The following TDRD5 variants were observed in gnomAD, a reference collection of about 807,000 sequenced individuals.
TDRD5 encodes the protein tudor domain-containing protein 5.
In TDRD5, 41 loss-of-function variants were observed where a neutral mutation model predicts 120.6. That is an observed-to-expected ratio of 0.34 (90% CI 0.26 to 0.44). TDRD5 has a LOEUF of 0.44. Ranked by LOEUF, TDRD5 falls within the 20% of genes least tolerant of loss-of-function variation. TDRD5 has a pLI of 1.00. For synonymous variants in TDRD5, 430 were observed against 433.7 expected (o/e 0.99, Z 0.11); for missense variants, 1,006 against 1,221.2 (o/e 0.82, Z 2.63).
intron 6 of TDRD5, among the ~76,000 whole-genome samples, chr1:179,625,785 G>C (rs1677089165): frequency 6.6e-6 from 1 of 152,138 alleles, no homozygotes; most frequent in Admixed American, 6.5e-5. Flanking sequence ...AGAGATTGTG[G>C]TACGTTTGTA....
intron 4 of TDRD5, among the ~76,000 whole-genome samples, chr1:179,603,581 A>T (rs1675826862): frequency 6.6e-6 from 1 of 152,344 alleles, no homozygotes; most frequent in Non-Finnish European, 1.5e-5. Flanking sequence ...AGTTTTAATC[A>T]TAAAGCAATG....
chr1:179,612,935 C>CAAAAAAA (rs35980053), intron 4 of TDRD5, among the ~76,000 whole-genome samples: 1 of 88,468 alleles, frequency 1.1e-5, no homozygotes, highest in Non-Finnish European at 2.3e-5. Context: ...GACTTTGTCT[C>CAAAAAAA]AAAAAAAAAA....
chr1:179,593,826 A>G lies in TDRD5; in HGVS notation c.599A>G (p.Lys200Arg), dbSNP rs1351256025. 1 of 1,614,042 alleles carries G rather than the reference A, an allele frequency of 6.2e-7. No individual in the cohort carries two copies. The highest frequency in any genetic ancestry group is 1.7e-5 in the Admixed American group (1 of 59,988). Residue 200 changes from lysine to arginine, a missense_variant, in exon 3 of 18, where the codon AAG becomes AGG. By Grantham distance (26) the Lys-to-Arg change is conservative (BLOSUM62 2). Coordinates refer to ENST00000444136, the MANE Select transcript of TDRD5 (RefSeq NM_001199085.3). ...AGAGCAGGTTCTTTGTTGATGCTAAAGAAGAGTGTAACAGAGGAAAAGCCG... is the reference window on the plus strand; with the variant it reads ...AGAGCAGGTTCTTTGTTGATGCTAAGGAAGAGTGTAACAGAGGAAAAGCCG... Reference protein sequence around the residue: ...QTRAGSLLMLKKSVTEEKPRG... With the variant: ...QTRAGSLLMLRKSVTEEKPRG...
Position 179,659,574 on chromosome 1 carries a change from TGTGTGTGTGTGTGTGTGC to T in TDRD5, c.2323-2528_2323-2511del, listed in dbSNP as rs1223282415. 1.3e-4 allele frequency among the ~76,000 whole-genome samples: 18 copies of T among 142,434 alleles called. 1 individual carries two copies. The highest frequency in any genetic ancestry group is 2.0e-4 in the African/African-American group (8 of 39,624). 93.4% of individuals were successfully genotyped at this position (142,434 alleles called of 152,430 possible). On this transcript the variant is annotated intron_variant, in intron 14 of 17. Coordinates refer to ENST00000444136, the MANE Select transcript of TDRD5 (RefSeq NM_001199085.3). ...TCGTGTGTGTGTGTGTGTGTGTGTG[TGTGTGTGTGTGTGTGTGC>T]GCGCGCTTGCCTGGTATATTTTTTT...
chr1:179,593,429 C>G, intron 2 of TDRD5, 31 bp from the exon 3 acceptor site: 1 of 1,594,734 alleles, frequency 6.3e-7, no homozygotes, highest in Non-Finnish European at 8.6e-7. Flanking sequence ...AGTTTTCCTC[C>G]TAAATATGAT....
intron 13 of TDRD5, 35 bp from the exon 14 acceptor site, chr1:179,654,166 T>G (rs898641372): frequency 3.4e-6 from 5 of 1,471,536 alleles, no homozygotes; most frequent in Non-Finnish European, 4.5e-6. Context: ...AGCATTAATA[T>G]TTAAAATAAA....
chr1:179,645,955 T>C (rs917796858), intron 11 of TDRD5, among the ~76,000 whole-genome samples: 1 of 152,204 alleles, frequency 6.6e-6, no homozygotes, highest in African/African-American at 2.4e-5. Context: ...CTTCTCTATC[T>C]TTATATTTAG....
At chr1:179,642,388 C>T (rs1478816107) in intron 11 of TDRD5, among the ~76,000 whole-genome samples, 1 of 152,152 alleles carries the variant, frequency 6.6e-6, no homozygotes, top group Non-Finnish European at 1.5e-5. Flanking sequence ...GTATGAGCCA[C>T]CATGCCCAGC....
At chr1:179,663,981 A>C (rs1399697661) in intron 16 of TDRD5, among the ~76,000 whole-genome samples, 14 of 152,182 alleles carry the variant, frequency 9.2e-5, no homozygotes, top group African/African-American at 2.7e-4. Context: ...TTTCCTGAAT[A>C]TATTACGAGC....
At chr1:179,658,967 A>G (rs888876956) in intron 14 of TDRD5, among the ~76,000 whole-genome samples, 1 of 152,134 alleles carries the variant, frequency 6.6e-6, no homozygotes. Flanking sequence ...ATTTTCATTC[A>G]GTTCAAATAT....
At chr1:179,665,227 C>T (rs1679503213) in intron 16 of TDRD5, among the ~76,000 whole-genome samples, 1 of 152,002 alleles carries the variant, frequency 6.6e-6, no homozygotes, top group South Asian at 2.1e-4. Context: ...TAATGGTGTC[C>T]ATTGCAGCAC....
rs1679347856 is a variant in TDRD5, at chr1:179,662,189, C to A, written c.2408C>A (p.Ala803Asp). 1.2e-6 allele frequency: 2 copies of A among 1,612,838 alleles called. No homozygotes were observed. Among genetic ancestry groups the A allele is most frequent in the East Asian group, 4.5e-5 (2 of 44,806 alleles). ...IWDENWLPLQ[A>D]KMGKGGDAAS... Reference sequence around the variant, plus strand: ...GATGAGAACTGGTTACCTCTACAGGCTAAGATGGGAAAAGGAGGTGATGCT... The same window carrying A: ...GATGAGAACTGGTTACCTCTACAGGATAAGATGGGAAAAGGAGGTGATGCT... The change falls in exon 15 of 18, where the codon GCT (alanine) becomes GAT (aspartate). Residue 803 changes from alanine (A) to aspartate (D), a missense_variant. This residue lies in a region of TDRD5 where 403 missense variants were observed against 448.1 expected (regional missense o/e 0.90). Coordinates refer to ENST00000444136, the MANE Select transcript of TDRD5 (RefSeq NM_001199085.3).
Position 179,654,345 on chromosome 1 carries a change from C to T in TDRD5, c.2305C>T (p.Leu769=). ...GTGGTCCAACCCAGAACCAAACGAT[C>T]TGAAGGAAGAAAATGAGGTAGGAGA... The part of the protein sequence containing the change: ...PKWSNPEPND[L]KEENEDEIPT... Residue 769 remains leucine (L), a synonymous_variant, in exon 14 of 18, where the codon CTG becomes TTG. Transcript: ENST00000444136. 6.5e-7 allele frequency: 1 copy of T among 1,531,482 alleles called. No homozygotes were observed. The highest frequency in any genetic ancestry group is 8.8e-7 in the Non-Finnish European group (1 of 1,138,416). 94.9% of individuals were successfully genotyped at this position (1,531,482 alleles called of 1,614,324 possible). A position where few individuals can be genotyped will look rare whatever the true frequency, so the allele number is the denominator to read the frequency against.
chr1:179,592,733 G>A lies in TDRD5; in HGVS notation c.118G>A (p.Gly40Ser), dbSNP rs765700111. Residue 40 changes from glycine to serine, a missense_variant, in exon 2 of 18, where the codon GGC becomes AGC. Coordinates refer to ENST00000444136, the MANE Select transcript of TDRD5 (RefSeq NM_001199085.3). The part of the protein sequence containing the change: ...ELEKEYLLMV[G>S]NHLPLRILGY... The stretch of plus-strand genomic sequence containing the variant: ...GGAGAAGGAGTACCTTTTGATGGTT[G>A]GCAACCATCTACCACTCCGAATCCT... The A allele has an allele frequency of 1.2e-6, 2 of 1,613,946 alleles. No homozygotes were observed. Among genetic ancestry groups the A allele is most frequent in the Admixed American group, 1.7e-5 (1 of 59,996 alleles).
At chr1:179,601,930 C>T (rs1386979908) in intron 4 of TDRD5, among the ~76,000 whole-genome samples, 4 of 152,310 alleles carry the variant, frequency 2.6e-5, no homozygotes, top group South Asian at 2.1e-4. Context: ...CTCAGCCTCC[C>T]GAGTAGCTGG....
chr1:179,690,200 C>G (rs371640970), intron 17 of TDRD5, among the ~76,000 whole-genome samples: 1 of 152,188 alleles, frequency 6.6e-6, no homozygotes, highest in Non-Finnish European at 1.5e-5. Flanking sequence ...TAGAACCTCT[C>G]GGCATTTATT....
chr1:179,622,141 C>T (rs571544014), intron 6 of TDRD5, among the ~76,000 whole-genome samples: 1 of 152,160 alleles, frequency 6.6e-6, no homozygotes, highest in South Asian at 2.1e-4. Context: ...CAGTGCCTGG[C>T]ACATAAGCTC....
chr1:179,678,414 G>A (rs757392529), intron 17 of TDRD5, among the ~76,000 whole-genome samples: 1 of 151,980 alleles, frequency 6.6e-6, no homozygotes, highest in Non-Finnish European at 1.5e-5. Context: ...TTCTTCAAAG[G>A]GTCTGTGGAT....
intron 17 of TDRD5, among the ~76,000 whole-genome samples, chr1:179,678,523 T>C (rs10798708): frequency 0.74 from 112,108 of 152,118 alleles, 41,520 homozygotes; most frequent in East Asian, 0.88. Context: ...GCAGGAGCTA[T>C]AGAGTAGTCC....
Sources: allele counts gnomAD v4.1 joint callset (sites outside exome capture counted in the v4.1 genomes callset), GRCh38; gene constraint gnomAD v4.1.1; regional missense constraint gnomAD v4.1.1; transcripts MANE v1.5; gene names NCBI Gene and HGNC (gene_info 2026-07-23, HGNC 2026-07-21).